The following RTN3 variants were observed in gnomAD, a reference collection of about 807,000 sequenced individuals.
RTN3 encodes reticulon 3.
In RTN3, 49 loss-of-function variants were observed where a neutral mutation model predicts 77.8. That is an observed-to-expected ratio of 0.63 (90% CI 0.50 to 0.80). RTN3 has a LOEUF of 0.80. RTN3 is among the 30% of genes least tolerant of loss of function. The probability of loss-of-function intolerance (pLI) is 0.00; values close to 1 mark genes in which losing one functional copy is unlikely to be tolerated. For missense variants in RTN3, 1,236 were observed against 1,211.9 expected, an observed-to-expected ratio of 1.02 and a Z score of -0.29; for synonymous variants, 464 against 446.9, an observed-to-expected ratio of 1.04 and a Z score of -0.48.
intron 1 of RTN3, among the ~76,000 whole-genome samples, chr11:63,700,374 C>T (rs1942175765): frequency 6.8e-6 from 1 of 147,456 alleles, no homozygotes; most frequent in African/African-American, 2.5e-5. Context: ...TTCCTGGCCT[C>T]AAATAATCCT....
rs1402523341 is a variant in RTN3 at position 63,718,833 on chromosome 11, C to G, written c.331C>G (p.Gln111Glu). 9 of 1,613,990 alleles carry G rather than the reference C, an allele frequency of 5.6e-6. No individual in the cohort carries two copies. In the African/African-American group the frequency reaches 9.3e-5, roughly 17 times the overall value. Residue 111 changes from glutamine to glutamate, a missense_variant, in exon 3 of 9, where the codon CAG becomes GAG. By Grantham distance (29) the Gln-to-Glu change is conservative (BLOSUM62 2). This residue lies in a region of RTN3 where 1,056 missense variants were observed against 990.4 expected (regional missense o/e 1.07). Transcript: ENST00000377819. ...HGEKSHVLGS[Q>E]PILAKEGKDH... ...AGAAAAAAGCCATGTGTTAGGGAGC[C>G]AGCCTATTTTAGCCAAAGAAGGAAA... is the stretch of plus-strand genomic sequence containing the variant.
chr11:63,726,317 A>G (rs2012258529), intron 3 of RTN3, among the ~76,000 whole-genome samples: 1 of 152,214 alleles, frequency 6.6e-6, no homozygotes, highest in African/African-American at 2.4e-5. Flanking sequence ...GCTTTTAGCT[A>G]GAGGACAGGC....
At position 63,719,610 on chromosome 11, in the gene RTN3, TATA is replaced by T. The variant is rs2134828553; in HGVS notation, c.1111_1113del (p.Asn371del). On this transcript the variant is annotated inframe_deletion, in exon 3 of 9. Transcript: ENST00000377819. ...AACTACAGGACTTGACATGAGTGAA[TATA>T]ATTCAGAAATTCCAGTTGTAAATCT... 6.2e-7 allele frequency: 1 copy of T among 1,613,840 alleles called. No homozygotes were observed. Among genetic ancestry groups the T allele is most frequent in the Non-Finnish European group, 8.5e-7 (1 of 1,179,972 alleles).
chr11:63,748,790 C>G (rs2013946054), intron 3 of RTN3, among the ~76,000 whole-genome samples: 1 of 151,726 alleles, frequency 6.6e-6, no homozygotes, highest in South Asian at 2.1e-4. Flanking sequence ...ACCTCAGCCT[C>G]CTGAGTAGCT....
intron 2 of RTN3, among the ~76,000 whole-genome samples, chr11:63,715,572 C>T (rs1446581691): frequency 2.6e-5 from 4 of 152,068 alleles, no homozygotes; most frequent in African/African-American, 4.8e-5. Flanking sequence ...TCAGGAAAAT[C>T]GCTTCAATCT....
At chr11:63,727,267 A>G (rs188853982) in intron 3 of RTN3, among the ~76,000 whole-genome samples, 3 of 152,370 alleles carry the variant, frequency 2.0e-5, no homozygotes, top group South Asian at 4.1e-4. Flanking sequence ...AATATTCACA[A>G]TGTCCAGGAT....
At chr11:63,698,336 G>A (rs1942069012) in intron 1 of RTN3, among the ~76,000 whole-genome samples, 1 of 152,028 alleles carries the variant, frequency 6.6e-6, no homozygotes, top group African/African-American at 2.4e-5. Context: ...ATGTTGCCCA[G>A]GCTGGTCTCA....
intron 8 of RTN3, among the ~76,000 whole-genome samples, chr11:63,757,213 A>G (rs545644445): frequency 1.3e-5 from 2 of 152,350 alleles, no homozygotes; most frequent in African/African-American, 4.8e-5. Context: ...ATTTTTTTAA[A>G]CCAATTAATA....
intron 2 of RTN3, among the ~76,000 whole-genome samples, chr11:63,716,104 A>G (rs474548): frequency 0.74 from 111,988 of 152,120 alleles, 42,993 homozygotes; most frequent in East Asian, 0.99. Context: ...TGAATGTACA[A>G]AGACTTTTTA....
At chr11:63,691,207 G>A (rs1445336613) in intron 1 of RTN3, among the ~76,000 whole-genome samples, 2 of 133,848 alleles carry the variant, frequency 1.5e-5, no homozygotes, top group Non-Finnish European at 3.1e-5. Context: ...TGCACCATCC[G>A]CCTCCTGGAT....
chr11:63,701,595 AG>A (rs1475808321), intron 1 of RTN3, among the ~76,000 whole-genome samples: 1 of 152,072 alleles, frequency 6.6e-6, no homozygotes, highest in Non-Finnish European at 1.5e-5. Context: ...CAGAAGACAC[AG>A]GGGGCACAGG....
chr11:63,742,040 C>T (rs1427122497), intron 3 of RTN3, among the ~76,000 whole-genome samples: 3 of 148,284 alleles, frequency 2.0e-5, no homozygotes, highest in Admixed American at 6.7e-5. Context: ...AGTGCAGTGG[C>T]GCGATCTCAG....
intron 3 of RTN3, among the ~76,000 whole-genome samples, chr11:63,733,144 A>C (rs569873572): frequency 1.3e-5 from 2 of 150,582 alleles, no homozygotes; most frequent in Non-Finnish European, 3.0e-5. Context: ...GTGAAACCCT[A>C]TCTCTACTAA....
At chr11:63,710,577 G>C (rs2011136316) in intron 2 of RTN3, among the ~76,000 whole-genome samples, 1 of 152,112 alleles carries the variant, frequency 6.6e-6, no homozygotes. Flanking sequence ...GTATGCCTTG[G>C]TACTCTTAAG....
intron 3 of RTN3, among the ~76,000 whole-genome samples, chr11:63,732,488 TGGACA>T (rs1322341486): frequency 6.7e-6 from 1 of 149,562 alleles, no homozygotes; most frequent in East Asian, 2.0e-4. Flanking sequence ...ATTTCTTGAC[TGGACA>T]AGAAAAAAAA....
chr11:63,716,117 C>T (rs1348591783), intron 2 of RTN3, among the ~76,000 whole-genome samples: 1 of 152,288 alleles, frequency 6.6e-6, no homozygotes, highest in South Asian at 2.1e-4. Context: ...ACTTTTTATT[C>T]TAATAACCAG....
At chr11:63,737,690 G>C (rs879680154) in intron 3 of RTN3, among the ~76,000 whole-genome samples, 10 of 152,190 alleles carry the variant, frequency 6.6e-5, no homozygotes, top group Non-Finnish European at 1.3e-4. Flanking sequence ...TATTCACCTG[G>C]AGAGGGGTAG....
At chr11:63,727,971 G>T (rs985229599) in intron 3 of RTN3, among the ~76,000 whole-genome samples, 1 of 152,126 alleles carries the variant, frequency 6.6e-6, no homozygotes. Flanking sequence ...CTTGGTGTAT[G>T]TGTCGGGGTC....
intron 2 of RTN3, 27 bp from the exon 3 acceptor site, chr11:63,718,675 T>C: frequency 6.6e-7 from 1 of 1,513,280 alleles, no homozygotes; most frequent in Non-Finnish European, 8.8e-7. Context: ...TGGTAAACAA[T>C]TTTTTTCTTT....
Sources: allele counts gnomAD v4.1 joint callset (sites outside exome capture counted in the v4.1 genomes callset), GRCh38; gene constraint gnomAD v4.1.1; regional missense constraint gnomAD v4.1.1; transcripts MANE v1.5; gene names NCBI Gene and HGNC (gene_info 2026-07-23, HGNC 2026-07-21).